Variants in TOGARAM2 observed in about 807,000 individuals in gnomAD.
TOGARAM2 encodes TOG array regulator of axonemal microtubules 2, also known as TOG array regulator of axonemal microtubules protein 2.
TOGARAM2 carries 85 observed loss-of-function variants against 93.3 expected under a neutral mutation model. That is an observed-to-expected ratio of 0.91 (90% CI 0.76 to 1.09). TOGARAM2 has a LOEUF of 1.09. TOGARAM2 is among the 50% of genes least tolerant of loss of function. TOGARAM2 has a pLI of 0.00. For synonymous variants in TOGARAM2, 593 were observed against 552.8 expected, an observed-to-expected ratio of 1.07 and a Z score of -1.02; for missense variants, 1,277 against 1,334.5, an observed-to-expected ratio of 0.96 and a Z score of 0.67.
At chr2:28,970,478 A>T (rs952055648) in intron 1 of TOGARAM2, among the ~76,000 whole-genome samples, 1 of 152,242 alleles carries the variant, frequency 6.6e-6, no homozygotes, top group Non-Finnish European at 1.5e-5. Flanking sequence ...TCTGATTGTT[A>T]AATGAGCCAT....
intron 13 of TOGARAM2, among the ~76,000 whole-genome samples, chr2:29,024,946 C>A (rs567744764): frequency 2.1e-4 from 32 of 152,312 alleles, no homozygotes; most frequent in Non-Finnish European, 4.0e-4. Flanking sequence ...CCTGTTGGAG[C>A]CTTTCTGCAG....
At chr2:29,028,364 A>G (rs753724529) in intron 14 of TOGARAM2, among the ~76,000 whole-genome samples, 3 of 152,156 alleles carry the variant, frequency 2.0e-5, no homozygotes, top group Admixed American at 6.5e-5. Context: ...ACTGTGCTGC[A>G]TGGCACCTCC....
chr2:29,035,753 C>T, intron 17 of TOGARAM2, 97 bp downstream of exon 17: 1 of 1,189,514 alleles, frequency 8.4e-7, no homozygotes, highest in Non-Finnish European at 1.1e-6. Flanking sequence ...ATGTGTCAGA[C>T]CCCTTGCTAT....
chr2:29,013,084 C>T (rs1397129128), intron 7 of TOGARAM2, among the ~76,000 whole-genome samples: 1 of 152,246 alleles, frequency 6.6e-6, no homozygotes, highest in Non-Finnish European at 1.5e-5. Context: ...CCCATCTCAG[C>T]AGACCCCTGA....
At position 29,014,525 on chromosome 2, in the gene TOGARAM2, G is replaced by A. The variant is rs373378491; in HGVS notation, c.1008G>A (p.Pro336=). The part of the protein sequence containing the change: ...SFDCAREACP[P]LKEEDQKEIG... ...ACTGTGCCAGAGAAGCCTGCCCTCC[G>A]CTGAAAGAAGAGGACCAGAAGGAGA... Residue 336 remains proline, a synonymous_variant, in exon 8 of 20, where the codon CCG becomes CCA. Coordinates refer to ENST00000379558, the MANE Select transcript of TOGARAM2 (RefSeq NM_199280.4). The A allele has an allele frequency of 6.4e-6, 10 of 1,572,558 alleles. No homozygotes were observed. The highest frequency in any genetic ancestry group is 3.5e-5 in the South Asian group (3 of 85,498).
intron 1 of TOGARAM2, among the ~76,000 whole-genome samples, chr2:28,983,177 A>AATAAATAT (rs781160203): frequency 0.022 from 699 of 31,942 alleles, 3 homozygotes; most frequent in Non-Finnish European, 0.03. Flanking sequence ...TGTATATATA[A>AATAAATAT]ATATATATAT....
At chr2:28,973,229 T>A (rs536233796) in intron 1 of TOGARAM2, among the ~76,000 whole-genome samples, 4 of 152,298 alleles carry the variant, frequency 2.6e-5, no homozygotes, top group South Asian at 2.1e-4. Flanking sequence ...CGAGGCTCTA[T>A]CCAGATGGCT....
rs764952314 is a variant in TOGARAM2 at position 29,035,577 on chromosome 2, G to C, written c.2339G>C (p.Arg780Pro). The C allele has an allele frequency of 6.3e-7, 1 of 1,591,528 alleles. No individual in the cohort carries two copies. The highest frequency in any genetic ancestry group is 1.2e-5 in the South Asian group (1 of 86,794). ...CGGCTGCTGGAGGCCAAGGACTTCCGGTCCCGGATGGAAGGCGTGGGGCAG... is the reference window on the plus strand; with the variant it reads ...CGGCTGCTGGAGGCCAAGGACTTCCCGTCCCGGATGGAAGGCGTGGGGCAG... ...LTRLLEAKDF[R>P]SRMEGVGQLL... The change falls in exon 17 of 20, where the codon CGG becomes CCG. Residue 780 changes from arginine to proline, a missense_variant. Coordinates refer to ENST00000379558, the MANE Select transcript of TOGARAM2 (RefSeq NM_199280.4).
At chr2:28,998,611 T>TG (rs1673117099) in intron 3 of TOGARAM2, among the ~76,000 whole-genome samples, 1 of 152,144 alleles carries the variant, frequency 6.6e-6, no homozygotes, top group Non-Finnish European at 1.5e-5. Flanking sequence ...CTGGAGGGGC[T>TG]GGGTTGTGGC....
At chr2:28,959,830 A>C (rs887041704) in intron 1 of TOGARAM2, among the ~76,000 whole-genome samples, 69 of 152,354 alleles carry the variant, frequency 4.5e-4, no homozygotes, top group African/African-American at 1.6e-3. Context: ...TATGACCCTT[A>C]ACAACGGGGA....
chr2:28,995,580 A>G (rs1448524401), intron 2 of TOGARAM2, among the ~76,000 whole-genome samples: 1 of 152,234 alleles, frequency 6.6e-6, no homozygotes, highest in East Asian at 1.9e-4. Flanking sequence ...AGCAGATCCC[A>G]CCTGAATGTA....
At chr2:28,996,948 T>A (rs1460085599) in intron 2 of TOGARAM2, among the ~76,000 whole-genome samples, 1 of 152,166 alleles carries the variant, frequency 6.6e-6, no homozygotes, top group Non-Finnish European at 1.5e-5. Flanking sequence ...TATCCATTCA[T>A]CCATTGATGG....
intron 1 of TOGARAM2, among the ~76,000 whole-genome samples, chr2:28,989,250 C>T (rs1672601282): frequency 1.3e-5 from 2 of 152,060 alleles, no homozygotes; most frequent in Non-Finnish European, 2.9e-5. Context: ...GGGGTTTTGC[C>T]ATGTTGGCCA....
chr2:29,039,431 T>C (rs1402650575), intron 18 of TOGARAM2, among the ~76,000 whole-genome samples: 1 of 152,194 alleles, frequency 6.6e-6, no homozygotes, highest in Non-Finnish European at 1.5e-5. Flanking sequence ...CTAGGATGCC[T>C]TCTGGCATAA....
At chr2:28,961,295 A>C (rs571728981) in intron 1 of TOGARAM2, among the ~76,000 whole-genome samples, 2 of 152,096 alleles carry the variant, frequency 1.3e-5, no homozygotes, top group Non-Finnish European at 2.9e-5. Context: ...GCAGTAGACA[A>C]AGGCTTTTGT....
chr2:29,009,477 A>AG (rs1208297652), intron 6 of TOGARAM2, among the ~76,000 whole-genome samples: 1 of 131,136 alleles, frequency 7.6e-6, no homozygotes, highest in African/African-American at 3.0e-5. Context: ...GAGAAGGCAA[A>AG]GGGTGGCTGA....
At chr2:28,973,131 C>T (rs1003587789) in intron 1 of TOGARAM2, among the ~76,000 whole-genome samples, 9 of 152,164 alleles carry the variant, frequency 5.9e-5, no homozygotes, top group African/African-American at 9.7e-5. Context: ...CTGTGATTGG[C>T]TGACATCCTT....
At chr2:28,966,129 T>C (rs1315824204) in intron 1 of TOGARAM2, among the ~76,000 whole-genome samples, 1 of 152,042 alleles carries the variant, frequency 6.6e-6, no homozygotes, top group Non-Finnish European at 1.5e-5. Flanking sequence ...TAGCTGGGAT[T>C]ACAGGTGTGC....
chr2:28,984,411 C>T (rs189988352), intron 1 of TOGARAM2, among the ~76,000 whole-genome samples: 99 of 152,326 alleles, frequency 6.5e-4, no homozygotes, highest in African/African-American at 2.2e-3. Flanking sequence ...GAGCTTCTTG[C>T]AGGGAGGCCT....
Sources: allele counts gnomAD v4.1 joint callset (sites outside exome capture counted in the v4.1 genomes callset), GRCh38; gene constraint gnomAD v4.1.1; transcripts MANE v1.5; gene names NCBI Gene and HGNC (gene_info 2026-07-23, HGNC 2026-07-21).